Variants in TICRR observed in about 807,000 individuals in gnomAD.
TICRR encodes treslin.
In TICRR, 132 loss-of-function variants were observed where a neutral mutation model predicts 178.1. That is an observed-to-expected ratio of 0.74 (90% CI 0.64 to 0.86). TICRR has a LOEUF of 0.86. Ranked by LOEUF, TICRR falls within the 40% of genes least tolerant of loss-of-function variation. The probability of loss-of-function intolerance (pLI) is 0.00; values close to 1 mark genes in which losing one functional copy is unlikely to be tolerated. For synonymous variants in TICRR, 991 were observed against 900.7 expected (o/e 1.10, Z -1.79); for missense variants, 2,587 against 2,334.3 (o/e 1.11, Z -2.23).
rs773664834 is a variant in TICRR at position 89,625,043 on chromosome 15, T to C, written c.4733T>C (p.Ile1578Thr). 26 of 1,613,882 alleles carry C rather than the reference T, an allele frequency of 1.6e-5. No homozygotes were observed. Among genetic ancestry groups the C allele is most frequent in the Non-Finnish European group, 2.1e-5 (25 of 1,180,020 alleles). Residue 1578 changes from isoleucine (I) to threonine (T), a missense_variant, in exon 20 of 22, where the codon ATA becomes ACA. By Grantham distance (89) the Ile-to-Thr change is moderately conservative. Transcript: ENST00000268138. ...CTTCCCAAACTTCGAATTAAGAAGA[T>C]AGACCCCAGCTCTTCATTAGAGGCT... ...SGLPKLRIKK[I>T]DPSSSLEAEP...
In TICRR at chr15:89,575,487, C is replaced by T. The variant is rs1962592000; in HGVS notation, c.-100C>T. On this transcript the variant is annotated 5_prime_UTR_variant, in exon 1 of 22. Transcript: ENST00000268138. The stretch of plus-strand genomic sequence containing the variant: ...GCGCGGGAGCCTTTCGACCAGGGTC[C>T]CAAAGGAAAGCAGTGAGTGGTGCTG... 1.6e-6 allele frequency: 2 copies of T among 1,220,368 alleles called. No homozygotes were observed. Among genetic ancestry groups the T allele is most frequent in the Admixed American group, 3.4e-5 (1 of 29,162 alleles). The allele number at this position is 1,220,368 out of a possible 1,614,324, so 75.6% of individuals were successfully genotyped here.
chr15:89,625,750 C>G lies in TICRR; in HGVS notation c.5440C>G (p.Leu1814Val). The change falls in exon 20 of 22, where the codon CTA becomes GTA. Residue 1814 changes from leucine (L) to valine (V), a missense_variant. By Grantham distance (32) the Leu-to-Val change is conservative. Coordinates refer to ENST00000268138, the MANE Select transcript of TICRR (RefSeq NM_152259.4). ...EGSPSWSAWQ[L>V]PSTGDEEVFV... The stretch of plus-strand genomic sequence containing the variant: ...GTCTCCAAGTTGGAGTGCATGGCAG[C>G]TACCCTCCACGGGAGACGAAGAGGT... The G allele has an allele frequency of 1.2e-6, 2 of 1,612,280 alleles. No homozygotes were observed. Among genetic ancestry groups the G allele is most frequent in the Non-Finnish European group, 8.5e-7 (1 of 1,179,306 alleles).
At chr15:89,595,193 C>T (rs898759423) in intron 6 of TICRR, among the ~76,000 whole-genome samples, 200 bp from the exon 7 acceptor site, 3 of 152,192 alleles carry the variant, frequency 2.0e-5, no homozygotes, top group African/African-American at 7.2e-5. Context: ...TGTTTAGTTC[C>T]TAAACTTCGG....
chr15:89,580,514 G>C (rs541776524), intron 1 of TICRR, among the ~76,000 whole-genome samples: 1 of 152,244 alleles, frequency 6.6e-6, no homozygotes, highest in African/African-American at 2.4e-5. Context: ...TAGATACATG[G>C]GTGGTAACAT....
At position 89,612,978 on chromosome 15, in the gene TICRR, TAAAA is replaced by T. The variant is rs1002143349; in HGVS notation, c.2870-3424_2870-3421del. 5.3e-5 allele frequency among the ~76,000 whole-genome samples: 8 copies of T among 152,282 alleles called. No individual in the cohort carries two copies. The South Asian group carries it at 1.5e-3, about 28-fold the overall frequency. On this transcript the variant is annotated intron_variant, in intron 15 of 21. Coordinates refer to ENST00000268138, the MANE Select transcript of TICRR (RefSeq NM_152259.4). ...AATAACAGGGGGGAACAGTTACAAA[TAAAA>T]AACACTTTTATAATGTTTTTCTTAT...
intron 13 of TICRR, among the ~76,000 whole-genome samples, chr15:89,605,478 C>G (rs949421190): frequency 2.6e-5 from 4 of 152,174 alleles, no homozygotes; most frequent in African/African-American, 9.7e-5. Flanking sequence ...ACGCCATTCT[C>G]CTGCCTCAGC....
intron 19 of TICRR, 39 bp from the exon 20 acceptor site, chr15:89,623,584 A>G (rs370115103): frequency 1.3e-6 from 2 of 1,556,936 alleles, no homozygotes; most frequent in African/African-American, 1.4e-5. Context: ...ATCATGAGTT[A>G]TAATATTCAA....
chr15:89,625,818 T>G (rs1042396300), intron 20 of TICRR, 32 bp downstream of exon 20: 6 of 1,572,186 alleles, frequency 3.8e-6, no homozygotes, highest in Admixed American at 1.8e-5. Context: ...AGTTTCCTCA[T>G]GGTTTCTTTT....
rs1567045535 is a variant in TICRR, at chr15:89,601,334, T to C, written c.2190T>C (p.Cys730=). ...QLQVFLRLEM[C]LQCPSINEST... ...AGGTATTTCTTCGTTTGGAGATGTG[T>C]CTGCAATGCCCTTCAATAAATGAAA... The change falls in exon 10 of 22, where the codon TGT becomes TGC. Residue 730 remains cysteine, a synonymous_variant. Coordinates refer to ENST00000268138, the MANE Select transcript of TICRR (RefSeq NM_152259.4). 1 of 1,614,168 alleles carries C rather than the reference T, an allele frequency of 6.2e-7. No homozygotes were observed. The highest frequency in any genetic ancestry group is 1.1e-5 in the South Asian group (1 of 91,084).
rs778803965 is a variant in TICRR, at chr15:89,625,602, C to G, written c.5292C>G (p.Ser1764=). 3 of 1,613,180 alleles carry G rather than the reference C, an allele frequency of 1.9e-6. No homozygotes were observed. The highest frequency in any genetic ancestry group is 8.5e-7 in the Non-Finnish European group (1 of 1,180,024). ...TGCCTAAGGCCGAGGAAGCCTCTTCCTGGGGACAGTTTGGGTTGAGTTCCA... is the reference window on the plus strand; with the variant it reads ...TGCCTAAGGCCGAGGAAGCCTCTTCGTGGGGACAGTTTGGGTTGAGTTCCA... ...NSMPKAEEAS[S]WGQFGLSSRK... is the part of the protein sequence containing the mutation. Residue 1764 remains serine (S), a synonymous_variant, in exon 20 of 22, where the codon TCC becomes TCG. Transcript: ENST00000268138.
intron 19 of TICRR, 72 bp from the exon 20 acceptor site, chr15:89,623,551 G>A (rs138837238): frequency 6.9e-7 from 1 of 1,445,072 alleles, no homozygotes; most frequent in East Asian, 2.3e-5. Context: ...TTTGGTCTTA[G>A]AGATTACTAA....
At chr15:89,612,369 G>T (rs1963268387) in intron 15 of TICRR, among the ~76,000 whole-genome samples, 1 of 152,140 alleles carries the variant, frequency 6.6e-6, no homozygotes, top group South Asian at 2.1e-4. Context: ...GCCTAAGAGA[G>T]CTGAAACCAA....
intron 15 of TICRR, among the ~76,000 whole-genome samples, chr15:89,610,311 G>T (rs1963237677): frequency 6.6e-6 from 1 of 152,156 alleles, no homozygotes. Context: ...GCATATTAAA[G>T]TCTCCAGCTA....
Position 89,616,347 on chromosome 15 carries a change from T to TG in TICRR, c.2870-57dup. ...GTTCAAACTGCTCCCTTGGCCTTAC[T>TG]GCTGCTTCTTGATGAGGTTAAATGA... On this transcript the variant is annotated intron_variant, in intron 15 of 21. Coordinates refer to ENST00000268138, the MANE Select transcript of TICRR (RefSeq NM_152259.4). The TG allele has an allele frequency of 4.7e-6, 7 of 1,490,690 alleles. No homozygotes were observed. In the South Asian group the frequency reaches 6.9e-5, roughly 15 times the overall value. The allele number at this position is 1,490,690 out of a possible 1,614,324, so 92.3% of individuals were successfully genotyped here. A position where few individuals can be genotyped will look rare whatever the true frequency, so the allele number is the denominator to read the frequency against.
Position 89,627,887 on chromosome 15 carries a change from C to G in TICRR, c.*801C>G, listed in dbSNP as rs1963565293. On this transcript the variant is annotated 3_prime_UTR_variant, in exon 22 of 22. Transcript: ENST00000268138. ...GGCTGACTCTGAACTGTCTCTCAGTCTCCAGAAAGTGTTCAAGCCTGTTGT... is the reference window on the plus strand; with the variant it reads ...GGCTGACTCTGAACTGTCTCTCAGTGTCCAGAAAGTGTTCAAGCCTGTTGT... 6.5e-6 allele frequency: 1 copy of G among 152,914 alleles called. No individual in the cohort carries two copies. The highest frequency in any genetic ancestry group is 1.5e-5 in the Non-Finnish European group (1 of 68,624). 9.5% of individuals were successfully genotyped at this position (152,914 alleles called of 1,614,324 possible). A position where few individuals can be genotyped will look rare whatever the true frequency, so the allele number is the denominator to read the frequency against.
At chr15:89,589,666 A>G (rs770851697) in intron 4 of TICRR, among the ~76,000 whole-genome samples, 8 of 152,208 alleles carry the variant, frequency 5.3e-5, no homozygotes, top group Non-Finnish European at 7.3e-5. Context: ...GAATTTTGTA[A>G]TATAACAGCA....
rs767767421 is a variant in TICRR, at chr15:89,600,602, A to G, written c.2070A>G (p.Gln690=). 1.3e-6 allele frequency: 2 copies of G among 1,576,198 alleles called. No individual in the cohort carries two copies. The highest frequency in any genetic ancestry group is 1.7e-6 in the Non-Finnish European group (2 of 1,158,168). The change falls in exon 9 of 22, where the codon CAA becomes CAG. Residue 690 remains glutamine, a synonymous_variant. Coordinates refer to ENST00000268138, the MANE Select transcript of TICRR (RefSeq NM_152259.4). ...TKELEVNCLN[Q]VKSSLLKTSK... ...ATTTTTAGGTGAACTGCCTGAATCA[A>G]GTAAAAAGTAGTCTCTTAAAAACTA...
At chr15:89,615,733 T>C (rs1411896594) in intron 15 of TICRR, among the ~76,000 whole-genome samples, 1 of 152,220 alleles carries the variant, frequency 6.6e-6, no homozygotes, top group Non-Finnish European at 1.5e-5. Flanking sequence ...CACCTACGTT[T>C]ATCTTAATAA....
chr15:89,626,868 T>C (rs1963537074), intron 21 of TICRR, 88 bp from the exon 22 acceptor site: 2 of 1,421,980 alleles, frequency 1.4e-6, no homozygotes, highest in East Asian at 4.6e-5. Context: ...AGTCTGTTTT[T>C]GTGTGTAACC....
Sources: gnomAD v4.1 joint callset for allele counts (sites outside exome capture counted in the v4.1 genomes callset) on GRCh38, gnomAD v4.1.1 for gene constraint, MANE v1.5 for transcripts, NCBI Gene and HGNC (gene_info 2026-07-23, HGNC 2026-07-21) for gene names.